The following ENOSF1 variants were observed in gnomAD, a reference collection of about 807,000 sequenced individuals.
The protein encoded by ENOSF1 is enolase superfamily member 1.
In ENOSF1, 73 loss-of-function variants were observed where a neutral mutation model predicts 68.2. The ratio of observed to expected loss-of-function variants is 1.07; its 90% CI spans 0.89 to 1.30. ENOSF1 has a LOEUF of 1.30. ENOSF1 is among the 50% of genes most tolerant of loss of function. The pLI, the probability that ENOSF1 is intolerant of heterozygous loss-of-function variation, is 0.00. For synonymous variants in ENOSF1, 223 were observed against 210.4 expected (o/e 1.06, Z -0.52); for missense variants, 589 against 554.5 (o/e 1.06, Z -0.62).
At chr18:697,719 C>T (rs1568107024) in intron 2 of ENOSF1, among the ~76,000 whole-genome samples, 2 of 152,344 alleles carry the variant, frequency 1.3e-5, no homozygotes, top group East Asian at 3.9e-4. Flanking sequence ...CCACTGCACT[C>T]CAGCCTGGGC....
chr18:672,918 T>C lies in ENOSF1; in HGVS notation c.*1387A>G, dbSNP rs778541361. 1.3e-6 allele frequency: 2 copies of C among 1,598,354 alleles called. No homozygotes were observed. Among genetic ancestry groups the C allele is most frequent in the Non-Finnish European group, 1.7e-6 (2 of 1,167,744 alleles). On this transcript the variant is annotated 3_prime_UTR_variant, in exon 16 of 16. Transcript: ENST00000647584. Reference sequence around the variant, plus strand: ...AGGATTCTTCGAAAAGTTGAGAAAATTGATGACTTCAAAGCTGAAGACTTT... The same window carrying C: ...AGGATTCTTCGAAAAGTTGAGAAAACTGATGACTTCAAAGCTGAAGACTTT...
At chr18:697,487 A>T in intron 2 of ENOSF1, 132 bp from the exon 3 acceptor site, 1 of 673,620 alleles carries the variant, frequency 1.5e-6, no homozygotes, top group South Asian at 1.8e-5. Flanking sequence ...GCGGTGGCTC[A>T]TGCCTGTAAT....
chr18:710,493 T>G (rs1021797194), intron 1 of ENOSF1, among the ~76,000 whole-genome samples: 1 of 152,104 alleles, frequency 6.6e-6, no homozygotes, highest in Non-Finnish European at 1.5e-5. Context: ...TCAGAGTGAA[T>G]AGTAATTACA....
At chr18:694,538 G>A (rs2847164) in intron 3 of ENOSF1, among the ~76,000 whole-genome samples, 28,207 of 151,588 alleles carry the variant, frequency 0.19, 3,166 homozygotes, top group Admixed American at 0.26. Context: ...TGAGGCAAGA[G>A]GATCTCTCGA....
At chr18:710,246 C>T (rs2079365175) in intron 1 of ENOSF1, among the ~76,000 whole-genome samples, 1 of 152,092 alleles carries the variant, frequency 6.6e-6, no homozygotes, top group Non-Finnish European at 1.5e-5. Flanking sequence ...GTGGCTGGGA[C>T]CACAGGTGCA....
intron 12 of ENOSF1, 174 bp from the exon 13 acceptor site, chr18:678,046 TG>T: frequency 2.9e-6 from 2 of 680,686 alleles, no homozygotes; most frequent in Non-Finnish European, 4.7e-6. Context: ...TTTTATAGCG[TG>T]GGCAGGGACC....
At chr18:706,969 C>A (rs1422013751) in intron 1 of ENOSF1, among the ~76,000 whole-genome samples, 1 of 151,832 alleles carries the variant, frequency 6.6e-6, no homozygotes, top group East Asian at 1.9e-4. Flanking sequence ...CAGGCACGTG[C>A]CACCACACTT....
chr18:685,831 T>C, intron 10 of ENOSF1, 90 bp downstream of exon 10: 2 of 1,101,926 alleles, frequency 1.8e-6, no homozygotes, highest in South Asian at 1.3e-5. Context: ...ATTAACTTTT[T>C]AAATTCCCAA....
chr18:686,785 T>G (rs1187469997), intron 9 of ENOSF1: 1 of 152,298 alleles, frequency 6.6e-6, no homozygotes, highest in Non-Finnish European at 1.5e-5. Context: ...ACCCTCCCTG[T>G]GCGCCTCCTT....
downstream of ENOSF1, among the ~76,000 whole-genome samples, chr18:667,221 TGATGGTGATGGA>T (rs1567990192): frequency 1.9e-4 from 7 of 37,056 alleles, no homozygotes; most frequent in Non-Finnish European, 3.1e-4. Flanking sequence ...ATGGAGATGG[TGATGGTGATGGA>T]GATGGAGATG....
At chr18:689,093 C>A (rs142890683) in intron 8 of ENOSF1, among the ~76,000 whole-genome samples, 27 of 152,244 alleles carry the variant, frequency 1.8e-4, no homozygotes, top group African/African-American at 6.5e-4. Context: ...AAAACCACCC[C>A]ATGAAATAGG....
intron 2 of ENOSF1, among the ~76,000 whole-genome samples, chr18:704,637 G>A (rs574995927): frequency 1.1e-4 from 14 of 131,768 alleles, no homozygotes; most frequent in Admixed American, 9.5e-4. Context: ...ATGGAGTCTC[G>A]CTTTTTCACC....
chr18:702,275 A>C (rs1598772009), intron 2 of ENOSF1, among the ~76,000 whole-genome samples: 1 of 149,172 alleles, frequency 6.7e-6, no homozygotes, highest in African/African-American at 2.5e-5. Flanking sequence ...AAAAAAAAAA[A>C]AAAAAAAAAA....
In ENOSF1 at chr18:691,032, A is replaced by G. The variant is rs763378153; in HGVS notation, c.535+36T>C. 6.8e-6 allele frequency: 11 copies of G among 1,611,276 alleles called. No homozygotes were observed. The Admixed American group carries it at 1.7e-4, about 24-fold the overall frequency. On this transcript the variant is annotated intron_variant, in intron 7 of 15. Coordinates refer to ENST00000647584, the MANE Select transcript of ENOSF1 (RefSeq NM_017512.7). ...GGGGCACTCAAAAGTGGACAATGTT[A>G]GCAAAAACAATGAAGAAAATTTTCT...
chr18:707,356 T>C (rs1027604106), intron 1 of ENOSF1, among the ~76,000 whole-genome samples: 1 of 152,184 alleles, frequency 6.6e-6, no homozygotes, highest in African/African-American at 2.4e-5. Flanking sequence ...GAGTTTTCAC[T>C]CGCAGCTATC....
rs1483354658 is a variant in ENOSF1 at position 706,480 on chromosome 18, G to A, written c.183C>T (p.Gly61=). The A allele has an allele frequency of 2.5e-6, 4 of 1,611,588 alleles. No individual in the cohort carries two copies. In the African/African-American group the frequency reaches 4.0e-5, roughly 16 times the overall value. The change falls in exon 2 of 16, where the codon GGC becomes GGT. Residue 61 remains glycine, a synonymous_variant. Coordinates refer to ENST00000647584, the MANE Select transcript of ENOSF1 (RefSeq NM_017512.7). ...GCGITFTLGK[G]TEVVVCAVNA... is the part of the protein sequence containing the mutation. ...GAATCTTCAACTCACCAACTTCAGT[G>A]CCTTTTCCCAGAGTGAAGGTAATTC...
At chr18:664,733 G>T in the ENOSF1 span, among the ~76,000 whole-genome samples, 2 of 151,124 alleles carry the variant, frequency 1.3e-5, no homozygotes, top group African/African-American at 2.4e-5. Flanking sequence ...ATGATGTGTT[G>T]TTGAATTTTG....
At chr18:690,721 G>A (rs770331028) in intron 7 of ENOSF1, 90 bp from the exon 8 acceptor site, 2 of 1,571,114 alleles carry the variant, frequency 1.3e-6, no homozygotes, top group Non-Finnish European at 1.7e-6. Flanking sequence ...CCCCTGGAGA[G>A]TCCAGCTGTT....
At position 674,093 on chromosome 18, in the gene ENOSF1, C is replaced by G; in HGVS notation, c.*212G>C. 2.3e-6 allele frequency: 1 copy of G among 436,346 alleles called. No homozygotes were observed. The highest frequency in any genetic ancestry group is 3.6e-5 in the South Asian group (1 of 27,598). 27.0% of individuals were successfully genotyped at this position (436,346 alleles called of 1,614,324 possible). A position where few individuals can be genotyped will look rare whatever the true frequency, so the allele number is the denominator to read the frequency against. On this transcript the variant is annotated 3_prime_UTR_variant, in exon 16 of 16. Transcript: ENST00000647584. ...CTCCTGGACTTTGGGTTAGTTAAATCTAAACTTATTTAAGGATTAAGTAGG... is the reference window on the plus strand; with the variant it reads ...CTCCTGGACTTTGGGTTAGTTAAATGTAAACTTATTTAAGGATTAAGTAGG...
Sources: allele counts gnomAD v4.1 joint callset (sites outside exome capture counted in the v4.1 genomes callset), GRCh38; gene constraint gnomAD v4.1.1; transcripts MANE v1.5; gene names NCBI Gene and HGNC (gene_info 2026-07-23, HGNC 2026-07-21).